Variants in ZHX2 observed in about 807,000 individuals in gnomAD.
ZHX2 encodes zinc fingers and homeoboxes protein 2.
ZHX2 carries 6 observed loss-of-function variants against 21.9 expected under a neutral mutation model. The ratio of observed to expected loss-of-function variants is 0.27; its 90% CI spans 0.15 to 0.54. The LOEUF is 0.54. ZHX2 is among the 20% of genes least tolerant of loss of function. ZHX2 has a pLI of 0.95. For synonymous variants in ZHX2, 434 were observed against 437.1 expected (o/e 0.99, Z 0.09); for missense variants, 908 against 1,090.7 (o/e 0.83, Z 2.36).
chr8:122,791,385 G>A (rs916255856), intron 1 of ZHX2, among the ~76,000 whole-genome samples: 1 of 152,190 alleles, frequency 6.6e-6, no homozygotes, highest in Non-Finnish European at 1.5e-5. Flanking sequence ...TGCAGCCCAA[G>A]TAGCTGATTG....
At chr8:122,786,014 A>G (rs550366919) in intron 1 of ZHX2, among the ~76,000 whole-genome samples, 40 of 152,320 alleles carry the variant, frequency 2.6e-4, no homozygotes, top group Admixed American at 8.5e-4. Context: ...CAGGCCAGGG[A>G]ACAGTTTTGC....
intron 3 of ZHX2, among the ~76,000 whole-genome samples, chr8:122,971,334 C>T (rs1215924654): frequency 1.3e-5 from 2 of 149,182 alleles, no homozygotes; most frequent in African/African-American, 5.0e-5. Context: ...TTGACAACAT[C>T]ACCTATAAGG....
At chr8:122,905,065 A>G (rs1320289157) in intron 2 of ZHX2, among the ~76,000 whole-genome samples, 1 of 152,232 alleles carries the variant, frequency 6.6e-6, no homozygotes, top group Non-Finnish European at 1.5e-5. Flanking sequence ...GTGAACTTCA[A>G]GATAGAATAT....
chr8:122,791,613 C>A (rs1333399891), intron 1 of ZHX2, among the ~76,000 whole-genome samples: 1 of 152,144 alleles, frequency 6.6e-6, no homozygotes, highest in Admixed American at 6.5e-5. Flanking sequence ...GCCTGTAATC[C>A]TAGCACTTTG....
chr8:122,797,716 A>T (rs1423424255), intron 1 of ZHX2, among the ~76,000 whole-genome samples: 1 of 152,142 alleles, frequency 6.6e-6, no homozygotes, highest in Non-Finnish European at 1.5e-5. Context: ...CCACCCAGAC[A>T]TTCAAAAAAA....
chr8:122,782,748 G>A lies in ZHX2; in HGVS notation c.-283+802G>A, dbSNP rs1268899320. Among the ~76,000 whole-genome samples, 2 of 152,052 alleles carry A rather than the reference G, an allele frequency of 1.3e-5. No homozygotes were observed. Among genetic ancestry groups the A allele is most frequent in the Non-Finnish European group, 2.9e-5 (2 of 67,972 alleles). On this transcript the variant is annotated intron_variant, in intron 1 of 3. Coordinates refer to ENST00000314393, the MANE Select transcript of ZHX2 (RefSeq NM_014943.5). This position sits in a 1 kb window ranked among gnomAD's most constrained non-coding sequence, Gnocchi z 5.3. Reference sequence around the variant, plus strand: ...CGCGCGGGGCGGGGGGCCGAGGGCGGCCGCGGGACCCCCGGCCCTGCTGTC... The same window carrying A: ...CGCGCGGGGCGGGGGGCCGAGGGCGACCGCGGGACCCCCGGCCCTGCTGTC...
intron 2 of ZHX2, among the ~76,000 whole-genome samples, chr8:122,930,514 C>G (rs1384769242): frequency 2.0e-5 from 3 of 151,474 alleles, no homozygotes; most frequent in Non-Finnish European, 4.4e-5. Context: ...AAAGGACCTT[C>G]TCTTCCCACC....
intron 1 of ZHX2, among the ~76,000 whole-genome samples, chr8:122,786,225 C>G (rs1225749545): frequency 1.3e-5 from 2 of 152,306 alleles, no homozygotes; most frequent in South Asian, 4.1e-4. Flanking sequence ...ACTACACTTG[C>G]CTTTTTCCTG....
intron 1 of ZHX2, among the ~76,000 whole-genome samples, chr8:122,862,104 T>G (rs1441485138): frequency 6.6e-6 from 1 of 152,158 alleles, no homozygotes; most frequent in African/African-American, 2.4e-5. Context: ...GTGGCCAGTA[T>G]TCAGTGCCTC....
chr8:122,807,101 C>T (rs998970414), intron 1 of ZHX2, among the ~76,000 whole-genome samples: 2 of 152,158 alleles, frequency 1.3e-5, no homozygotes, highest in Non-Finnish European at 2.9e-5. Flanking sequence ...GCTATTTTTG[C>T]TGCAGCTGCT....
chr8:122,902,502 T>C (rs1490321276), intron 2 of ZHX2, among the ~76,000 whole-genome samples: 1 of 152,208 alleles, frequency 6.6e-6, no homozygotes, highest in Non-Finnish European at 1.5e-5. Context: ...TACAAATTTA[T>C]ATACATAAGG....
chr8:122,954,875 AT>A (rs1352453555), intron 3 of ZHX2, among the ~76,000 whole-genome samples: 1 of 148,470 alleles, frequency 6.7e-6, no homozygotes, highest in Non-Finnish European at 1.5e-5. Flanking sequence ...TTCTTTTTGG[AT>A]TTTTTAAGAA....
chr8:122,830,210 G>T (rs1818344863), intron 1 of ZHX2, among the ~76,000 whole-genome samples: 1 of 152,180 alleles, frequency 6.6e-6, no homozygotes, highest in South Asian at 2.1e-4. Flanking sequence ...AGGATTTATA[G>T]TGTCCTGTAA....
intron 1 of ZHX2, among the ~76,000 whole-genome samples, chr8:122,840,492 T>C (rs571789887): frequency 1.2e-4 from 19 of 152,340 alleles, no homozygotes; most frequent in African/African-American, 4.6e-4. Context: ...AGATTAACCA[T>C]TGTGATGAGT....
chr8:122,925,465 CCA>C (rs1479098677), intron 2 of ZHX2, among the ~76,000 whole-genome samples: 2 of 152,262 alleles, frequency 1.3e-5, no homozygotes, highest in South Asian at 4.1e-4. Flanking sequence ...CGAGAAATAC[CCA>C]CACAGGTAAC....
chr8:122,867,159 A>G (rs1055756462), intron 2 of ZHX2, among the ~76,000 whole-genome samples: 3 of 152,074 alleles, frequency 2.0e-5, no homozygotes, highest in Non-Finnish European at 2.9e-5. Flanking sequence ...TTCTAAGTCT[A>G]CCTTCCTGCA....
chr8:122,878,692 T>C (rs568319073), intron 2 of ZHX2, among the ~76,000 whole-genome samples: 1 of 152,226 alleles, frequency 6.6e-6, no homozygotes, highest in African/African-American at 2.4e-5. Context: ...GTGGGGACTC[T>C]ACAAGGTGAC....
At chr8:122,949,703 A>T (rs190346172) in intron 2 of ZHX2, among the ~76,000 whole-genome samples, 1 of 152,062 alleles carries the variant, frequency 6.6e-6, no homozygotes, top group Non-Finnish European at 1.5e-5. Flanking sequence ...TGTCTCTACT[A>T]AAAATAAAAA....
chr8:122,887,050 C>CATGT (rs969656046), intron 2 of ZHX2, among the ~76,000 whole-genome samples: 3 of 136,372 alleles, frequency 2.2e-5, no homozygotes, highest in African/African-American at 8.4e-5. Flanking sequence ...GCTCTGCCAC[C>CATGT]GTGTGTGTGT....
Sources: allele counts gnomAD v4.1 joint callset (sites outside exome capture counted in the v4.1 genomes callset), GRCh38; gene constraint gnomAD v4.1.1; non-coding constraint Gnocchi (gnomAD v3.1); transcripts MANE v1.5; gene names NCBI Gene and HGNC (gene_info 2026-07-23, HGNC 2026-07-21).